Variants in HTR7 observed in about 807,000 individuals in gnomAD.
HTR7 encodes the protein 5-HT-7.
HTR7 carries 16 observed loss-of-function variants against 34.0 expected under a neutral mutation model. The observed-to-expected ratio is 0.47, with a 90% confidence interval of 0.32 to 0.71. The LOEUF is 0.71. HTR7 is among the 30% of genes least tolerant of loss of function. The probability of loss-of-function intolerance (pLI) is 0.04; values close to 1 mark genes in which losing one functional copy is unlikely to be tolerated. For synonymous variants in HTR7, 265 were observed against 260.2 expected, an observed-to-expected ratio of 1.02 and a Z score of -0.18; for missense variants, 504 against 625.5, an observed-to-expected ratio of 0.81 and a Z score of 2.07.
chr10:90,832,047 C>T (rs1846187469), intron 1 of HTR7, among the ~76,000 whole-genome samples: 2 of 152,248 alleles, frequency 1.3e-5, no homozygotes, highest in African/African-American at 4.8e-5. Context: ...GGTGTATTTA[C>T]AATCCCTTAG....
intron 1 of HTR7, among the ~76,000 whole-genome samples, chr10:90,827,724 T>C (rs1564695934): frequency 6.6e-6 from 1 of 152,096 alleles, no homozygotes; most frequent in Non-Finnish European, 1.5e-5. Context: ...AGTACCCAGA[T>C]ATATAAAGAA....
chr10:90,793,361 A>C (rs1845488259), intron 1 of HTR7, among the ~76,000 whole-genome samples: 1 of 151,822 alleles, frequency 6.6e-6, no homozygotes, highest in African/African-American at 2.4e-5. Context: ...AAATCAACTA[A>C]AGGAATCATT....
intron 1 of HTR7, among the ~76,000 whole-genome samples, chr10:90,762,920 C>T (rs564573826): frequency 1.3e-5 from 2 of 152,244 alleles, no homozygotes; most frequent in East Asian, 1.9e-4. Flanking sequence ...TCTTGGCATC[C>T]TTGTCCATTA....
At chr10:90,791,652 T>C (rs980472715) in intron 1 of HTR7, among the ~76,000 whole-genome samples, 2 of 152,164 alleles carry the variant, frequency 1.3e-5, no homozygotes, top group Non-Finnish European at 2.9e-5. Flanking sequence ...ACATATACTA[T>C]GTCAAATGAG....
chr10:90,853,757 T>C (rs1444987052), intron 1 of HTR7, among the ~76,000 whole-genome samples: 1 of 152,242 alleles, frequency 6.6e-6, no homozygotes, highest in Non-Finnish European at 1.5e-5. Context: ...GATCTGTGCA[T>C]GCCATTATAT....
chr10:90,825,357 T>C (rs556009523), intron 1 of HTR7, among the ~76,000 whole-genome samples: 1 of 152,256 alleles, frequency 6.6e-6, no homozygotes, highest in African/African-American at 2.4e-5. Flanking sequence ...TCCCTTCAAA[T>C]ACCTGAAAAA....
intron 1 of HTR7, among the ~76,000 whole-genome samples, chr10:90,828,233 T>C (rs1209563736): frequency 6.6e-6 from 1 of 152,184 alleles, no homozygotes. Context: ...GAGAAGTTTA[T>C]AGTTATAAGT....
intron 1 of HTR7, among the ~76,000 whole-genome samples, chr10:90,756,158 G>T (rs1162431955): frequency 6.6e-6 from 1 of 152,190 alleles, no homozygotes; most frequent in African/African-American, 2.4e-5. Context: ...ACTAGCTGCT[G>T]GTGACAGAAG....
Position 90,742,491 on chromosome 10 carries a change from A to G in HTR7, c.1431T>C (p.Ile477=), listed in dbSNP as rs768496494. 4 of 1,601,450 alleles carry G rather than the reference A, an allele frequency of 2.5e-6. No individual in the cohort carries two copies. The highest frequency in any genetic ancestry group is 2.6e-6 in the Non-Finnish European group (3 of 1,174,868). ...MLTTVEKKVM[I]HD ...CTCCATTGTTCTGCTTTCAATCATG[A>G]ATCATGACCTTTTTTTCTACAGTAG... Residue 477 remains isoleucine, a synonymous_variant, in exon 4 of 4, where the codon ATT becomes ATC. Transcript: ENST00000336152.
intron 1 of HTR7, among the ~76,000 whole-genome samples, chr10:90,826,859 C>T (rs1846084151): frequency 6.6e-6 from 1 of 152,000 alleles, no homozygotes; most frequent in South Asian, 2.1e-4. Flanking sequence ...ATGGCATGAA[C>T]CCAGGAGGCG....
intron 1 of HTR7, among the ~76,000 whole-genome samples, chr10:90,789,823 G>T (rs186452273): frequency 2.3e-3 from 350 of 152,158 alleles, no homozygotes; most frequent in Non-Finnish European, 3.3e-3. Context: ...GGATAAGCTG[G>T]GTGACCTTGA....
chr10:90,806,622 T>TA (rs1564688657), intron 1 of HTR7, among the ~76,000 whole-genome samples: 1 of 150,708 alleles, frequency 6.6e-6, no homozygotes, highest in African/African-American at 2.4e-5. Context: ...TAAAAAAATT[T>TA]AAAAAATAAA....
intron 1 of HTR7, among the ~76,000 whole-genome samples, chr10:90,839,569 TGAAAGTGA>T (rs1419316397): frequency 2.6e-5 from 4 of 152,304 alleles, no homozygotes; most frequent in Non-Finnish European, 5.9e-5. Flanking sequence ...GAGGCCATGA[TGAAAGTGA>T]TAATACAAAC....
intron 1 of HTR7, among the ~76,000 whole-genome samples, chr10:90,813,149 T>A (rs1226442095): frequency 6.6e-6 from 1 of 151,766 alleles, no homozygotes; most frequent in South Asian, 2.1e-4. Flanking sequence ...CACCCCTATC[T>A]CCCTTTGCTG....
chr10:90,745,513 G>A (rs928416618), intron 2 of HTR7, among the ~76,000 whole-genome samples: 5 of 152,298 alleles, frequency 3.3e-5, no homozygotes, highest in African/African-American at 1.2e-4. Flanking sequence ...ACATATGTCT[G>A]TTTGTGTAAG....
chr10:90,766,486 C>T (rs1442167821), intron 1 of HTR7, among the ~76,000 whole-genome samples: 1 of 152,182 alleles, frequency 6.6e-6, no homozygotes, highest in African/African-American at 2.4e-5. Flanking sequence ...TTCAGCCATT[C>T]TATGTCTTTT....
chr10:90,789,915 G>A (rs1422255675), intron 1 of HTR7, among the ~76,000 whole-genome samples: 1 of 152,120 alleles, frequency 6.6e-6, no homozygotes, highest in African/African-American at 2.4e-5. Context: ...GGTTTGTTAT[G>A]AGCAGAGTGC....
At chr10:90,752,507 A>G (rs922658627) in intron 1 of HTR7, among the ~76,000 whole-genome samples, 3 of 152,120 alleles carry the variant, frequency 2.0e-5, no homozygotes, top group East Asian at 1.9e-4. Flanking sequence ...ATAACCCCCA[A>G]TGAATAAACT....
intron 1 of HTR7, among the ~76,000 whole-genome samples, chr10:90,801,986 T>C (rs1409569309): frequency 6.6e-6 from 1 of 152,202 alleles, no homozygotes; most frequent in Non-Finnish European, 1.5e-5. Context: ...CCATTTTCCT[T>C]TGTCTTTCTG....
Sources: allele counts gnomAD v4.1 joint callset (sites outside exome capture counted in the v4.1 genomes callset), GRCh38; gene constraint gnomAD v4.1.1; transcripts MANE v1.5; gene names NCBI Gene and HGNC (gene_info 2026-07-23, HGNC 2026-07-21).